Variants in MARCHF4 observed in about 807,000 individuals in gnomAD.
MARCHF4 encodes the protein membrane associated ring-CH-type finger 4.
A neutral mutation model predicts 43.9 loss-of-function variants in MARCHF4; 14 were observed. That is an observed-to-expected ratio of 0.32 (90% CI 0.21 to 0.50). The LOEUF (loss-of-function observed/expected upper bound fraction) is 0.50. Ranked by LOEUF, MARCHF4 falls within the 20% of genes least tolerant of loss-of-function variation. MARCHF4 has a pLI of 0.98. For missense variants in MARCHF4, 468 were observed against 536.7 expected, an observed-to-expected ratio of 0.87 and a Z score of 1.27; for synonymous variants, 226 against 213.3, an observed-to-expected ratio of 1.06 and a Z score of -0.52.
At chr2:216,297,675 G>A (rs1331863999) in intron 1 of MARCHF4, among the ~76,000 whole-genome samples, 5 of 152,010 alleles carry the variant, frequency 3.3e-5, no homozygotes, top group South Asian at 2.1e-4. Flanking sequence ...CACCACACCC[G>A]CCTAATGTTT....
chr2:216,327,349 C>T (rs543276610), intron 1 of MARCHF4, among the ~76,000 whole-genome samples: 2 of 151,516 alleles, frequency 1.3e-5, no homozygotes, highest in South Asian at 2.1e-4. Flanking sequence ...AAATCTTCAC[C>T]CCCCCACCAC....
intron 1 of MARCHF4, among the ~76,000 whole-genome samples, chr2:216,316,500 G>A (rs1468927360): frequency 6.6e-6 from 1 of 152,150 alleles, no homozygotes; most frequent in Admixed American, 6.5e-5. Flanking sequence ...TTGCATAGTG[G>A]AAGAAGGAAA....
At chr2:216,312,209 A>G (rs1691697803) in intron 1 of MARCHF4, among the ~76,000 whole-genome samples, 1 of 152,130 alleles carries the variant, frequency 6.6e-6, no homozygotes, top group Admixed American at 6.5e-5. Context: ...AATTGGGAAC[A>G]TGTAGTTTTC....
At chr2:216,312,222 T>C (rs114897947) in intron 1 of MARCHF4, among the ~76,000 whole-genome samples, 269 of 152,326 alleles carry the variant, frequency 1.8e-3, no homozygotes, top group African/African-American at 6.3e-3. Flanking sequence ...TAGTTTTCTG[T>C]GTCTGGGTTC....
chr2:216,366,643 T>C (rs545094175), intron 1 of MARCHF4, among the ~76,000 whole-genome samples: 16 of 152,318 alleles, frequency 1.1e-4, no homozygotes, highest in Admixed American at 8.5e-4. Flanking sequence ...TTCTCATCAT[T>C]TAGGTGTCAG....
At chr2:216,327,709 C>T (rs1692017559) in intron 1 of MARCHF4, among the ~76,000 whole-genome samples, 1 of 152,090 alleles carries the variant, frequency 6.6e-6, no homozygotes, top group Non-Finnish European at 1.5e-5. Flanking sequence ...AGAAAGGAGG[C>T]AGAGTGGAGT....
At chr2:216,335,999 T>C (rs2063418) in intron 1 of MARCHF4, among the ~76,000 whole-genome samples, 80,060 of 145,862 alleles carry the variant, frequency 0.55, 23,239 homozygotes, top group East Asian at 0.78. Flanking sequence ...ACCAGTGAGG[T>C]GGAGGTTGCA....
intron 1 of MARCHF4, among the ~76,000 whole-genome samples, chr2:216,284,100 A>G (rs1213179741): frequency 6.6e-6 from 1 of 152,220 alleles, no homozygotes; most frequent in Non-Finnish European, 1.5e-5. Context: ...GCAAACTCAA[A>G]TGCCCTCAAG....
chr2:216,323,125 A>T (rs1271943662), intron 1 of MARCHF4, among the ~76,000 whole-genome samples: 1 of 152,136 alleles, frequency 6.6e-6, no homozygotes, highest in African/African-American at 2.4e-5. Flanking sequence ...TGTGTTCCTC[A>T]TTAGATGTTC....
At chr2:216,369,547 C>T (rs1452245636) in intron 1 of MARCHF4, among the ~76,000 whole-genome samples, 198 bp downstream of exon 1, 5 of 152,150 alleles carry the variant, frequency 3.3e-5, no homozygotes, top group African/African-American at 9.7e-5. Context: ...AGAACACAAA[C>T]GAACCACCAA....
rs572537646 is a variant in MARCHF4, at chr2:216,332,390, T to TA, written c.516+37354dup. 7.1e-3 allele frequency among the ~76,000 whole-genome samples: 675 copies of TA among 94,438 alleles called. 4 individuals are homozygous for TA. The highest frequency in any genetic ancestry group is 0.02 in the African/African-American group (483 of 24,628). 62.0% of individuals were successfully genotyped at this position (94,438 alleles called of 152,430 possible). A position where few individuals can be genotyped will look rare whatever the true frequency, so the allele number is the denominator to read the frequency against. On this transcript the variant is annotated intron_variant, in intron 1 of 3. Transcript: ENST00000273067. ...CTGAGTGACAGAGCAAGACTCTGTC[T>TA]AAAAAAAAAAAAAAGAAAGAAAGAA...
chr2:216,265,301 G>A (rs1403099031), intron 3 of MARCHF4, among the ~76,000 whole-genome samples: 1 of 152,124 alleles, frequency 6.6e-6, no homozygotes, highest in Non-Finnish European at 1.5e-5. Context: ...ACCCAACCCT[G>A]GGCTGTATTT....
At chr2:216,362,682 C>A (rs1000784407) in intron 1 of MARCHF4, among the ~76,000 whole-genome samples, 1 of 152,148 alleles carries the variant, frequency 6.6e-6, no homozygotes, top group Non-Finnish European at 1.5e-5. Flanking sequence ...GAAACTCCCC[C>A]CTTTCTTTCC....
intron 1 of MARCHF4, among the ~76,000 whole-genome samples, chr2:216,301,346 T>C (rs921257055): frequency 6.6e-6 from 1 of 152,224 alleles, no homozygotes; most frequent in Non-Finnish European, 1.5e-5. Context: ...CGATTAGTAC[T>C]GGAGCACGGA....
At chr2:216,363,234 G>A (rs1692614720) in intron 1 of MARCHF4, among the ~76,000 whole-genome samples, 1 of 152,116 alleles carries the variant, frequency 6.6e-6, no homozygotes, top group Admixed American at 6.5e-5. Context: ...CAATAAATTG[G>A]TCAGCTCACC....
chr2:216,264,192 G>A (rs1006813450), intron 3 of MARCHF4, among the ~76,000 whole-genome samples: 1 of 152,044 alleles, frequency 6.6e-6, no homozygotes, highest in Non-Finnish European at 1.5e-5. Flanking sequence ...AAGGTTCATC[G>A]AAAAAGAGGT....
At chr2:216,267,760 A>C (rs1182397928) in intron 3 of MARCHF4, among the ~76,000 whole-genome samples, 1 of 152,234 alleles carries the variant, frequency 6.6e-6, no homozygotes, top group South Asian at 2.1e-4. Context: ...CCCACTGCCA[A>C]CAGACAGGCC....
intron 1 of MARCHF4, among the ~76,000 whole-genome samples, chr2:216,349,858 C>G (rs1008805645): frequency 6.6e-6 from 1 of 152,150 alleles, no homozygotes; most frequent in Non-Finnish European, 1.5e-5. Flanking sequence ...CAGTGAGAAG[C>G]AGCAGAGTGA....
chr2:216,369,224 G>A (rs1444154518), intron 1 of MARCHF4, among the ~76,000 whole-genome samples: 1 of 152,150 alleles, frequency 6.6e-6, no homozygotes, highest in Non-Finnish European at 1.5e-5. Context: ...TGCTGAGGAT[G>A]TCAACGTGAT....
Sources: gnomAD v4.1 joint callset for allele counts (sites outside exome capture counted in the v4.1 genomes callset) on GRCh38, gnomAD v4.1.1 for gene constraint, MANE v1.5 for transcripts, NCBI Gene and HGNC (gene_info 2026-07-23, HGNC 2026-07-21) for gene names.